Variants in FHIP2A observed in about 807,000 individuals in gnomAD.
FHIP2A encodes the protein family with sequence similarity 160 member B1.
In FHIP2A, 46 loss-of-function variants were observed where a neutral mutation model predicts 93.5. That is an observed-to-expected ratio of 0.49 (90% CI 0.39 to 0.63). FHIP2A has a LOEUF of 0.63. Among genes scored for constraint, FHIP2A ranks in the 20% least tolerant of loss-of-function variants. The pLI is 0.00. For missense variants in FHIP2A, 769 were observed against 909.7 expected (o/e 0.85, Z 1.99); for synonymous variants, 332 against 326.5 (o/e 1.02, Z -0.18).
At chr10:114,832,360 T>G (rs1047032868) in intron 2 of FHIP2A, among the ~76,000 whole-genome samples, 22 of 152,206 alleles carry the variant, frequency 1.4e-4, no homozygotes, top group Admixed American at 1.3e-4. Flanking sequence ...AGGGTTTTCC[T>G]TTTGGCTTCT....
At chr10:114,847,058 G>C (rs1054796876) in intron 11 of FHIP2A, 32 bp from the exon 12 acceptor site, 5 of 1,535,758 alleles carry the variant, frequency 3.3e-6, no homozygotes, top group African/African-American at 1.4e-5. Context: ...TAATAAAATA[G>C]TGCTTTTTAT....
intron 13 of FHIP2A, 94 bp downstream of exon 13, chr10:114,848,831 T>TG: frequency 1.3e-6 from 1 of 795,678 alleles, no homozygotes; most frequent in Non-Finnish European, 2.1e-6. Flanking sequence ...TCCAAGGAAA[T>TG]GACTTCATTC....
At chr10:114,849,283 A>AC (rs1240539863) in intron 13 of FHIP2A, among the ~76,000 whole-genome samples, 1 of 151,852 alleles carries the variant, frequency 6.6e-6, no homozygotes, top group Non-Finnish European at 1.5e-5. Context: ...ATTATATCTC[A>AC]CCCGGATCCA....
chr10:114,846,715 A>C lies in FHIP2A; in HGVS notation c.1555A>C (p.Ile519Leu). ...EDKDVVENGL[I>L]AGAVDLEEDP... ...TAAAGATGTGGTAGAAAATGGATTG[A>C]TAGCAGGAGCAGTGTAAGTTTCCAT... The change falls in exon 11 of 17, where the codon ATA becomes CTA. Residue 519 changes from isoleucine to leucine, a missense_variant. Coordinates refer to ENST00000369248, the MANE Select transcript of FHIP2A (RefSeq NM_020940.4). The C allele has an allele frequency of 6.2e-7, 1 of 1,600,520 alleles. No individual in the cohort carries two copies. The highest frequency in any genetic ancestry group is 8.5e-7 in the Non-Finnish European group (1 of 1,176,352).
intron 16 of FHIP2A, among the ~76,000 whole-genome samples, chr10:114,878,775 CAAAAAA>C (rs71007499): frequency 6.9e-5 from 7 of 101,166 alleles, no homozygotes; most frequent in Admixed American, 9.7e-5. Flanking sequence ...GACTTCGCCT[CAAAAAA>C]AAAAAAAAAA....
chr10:114,830,334 G>A (rs540382273), intron 1 of FHIP2A, among the ~76,000 whole-genome samples: 29 of 145,630 alleles, frequency 2.0e-4, no homozygotes, highest in African/African-American at 7.0e-4. Context: ...GTGCAGTGGC[G>A]CAATCTTGGC....
exon 17 of FHIP2A, chr10:114,899,668 T>G: frequency 1.7e-6 from 1 of 586,546 alleles, no homozygotes; most frequent in Non-Finnish European, 3.1e-6. Flanking sequence ...GAATCACCTA[T>G]CCCATGCCCA....
rs774713390 is a variant in FHIP2A at position 114,843,113 on chromosome 10, C to T, written c.703C>T (p.Leu235=). 6.2e-6 allele frequency: 10 copies of T among 1,613,946 alleles called. No homozygotes were observed. Among genetic ancestry groups the T allele is most frequent in the Non-Finnish European group, 8.5e-6 (10 of 1,179,982 alleles). The part of the protein sequence containing the change: ...EDEPPHQMDH[L]STSLDNLSVT... Reference sequence around the variant, plus strand: ...TGAGCCTCCTCATCAGATGGATCACCTGTCCACAAGCTTGGATAACCTCAG... The same window carrying T: ...TGAGCCTCCTCATCAGATGGATCACTTGTCCACAAGCTTGGATAACCTCAG... The change falls in exon 6 of 17, where the codon CTG becomes TTG. Residue 235 remains leucine (L), a synonymous_variant. Coordinates refer to ENST00000369248, the MANE Select transcript of FHIP2A (RefSeq NM_020940.4).
At chr10:114,878,477 G>A (rs1039971797) in intron 16 of FHIP2A, among the ~76,000 whole-genome samples, 3 of 152,172 alleles carry the variant, frequency 2.0e-5, no homozygotes, top group African/African-American at 7.2e-5. Flanking sequence ...GGATAGATAA[G>A]TCCAGAAAAG....
chr10:114,881,104 G>GAACTA (rs1392003366), intron 16 of FHIP2A, among the ~76,000 whole-genome samples: 4 of 152,326 alleles, frequency 2.6e-5, no homozygotes, highest in Non-Finnish European at 5.9e-5. Context: ...CACTGTGCCT[G>GAACTA]AACTAACGAG....
At chr10:114,840,305 G>A (rs972005895) in intron 5 of FHIP2A, among the ~76,000 whole-genome samples, 3 of 152,336 alleles carry the variant, frequency 2.0e-5, no homozygotes, top group Admixed American at 6.5e-5. Flanking sequence ...GTAAAAGTTT[G>A]TGGTGTGTTC....
downstream of FHIP2A, among the ~76,000 whole-genome samples, chr10:114,866,765 G>A (rs34171003): frequency 3.2e-4 from 48 of 152,284 alleles, no homozygotes; most frequent in South Asian, 6.2e-4. Context: ...CCAGGGAAAG[G>A]AAGTAAGATG....
intron 16 of FHIP2A, among the ~76,000 whole-genome samples, chr10:114,896,396 G>A (rs1202118756): frequency 6.6e-6 from 1 of 152,102 alleles, no homozygotes; most frequent in Non-Finnish European, 1.5e-5. Context: ...TTATTCCATG[G>A]CATCTTACAG....
intron 10 of FHIP2A, 25 bp from the exon 11 acceptor site, chr10:114,846,534 T>A (rs780301952): frequency 6.4e-7 from 1 of 1,557,258 alleles, no homozygotes; most frequent in African/African-American, 1.4e-5. Flanking sequence ...ATTTTTCAGT[T>A]AGCTTTTATC....
intron 16 of FHIP2A, among the ~76,000 whole-genome samples, chr10:114,895,213 A>G (rs2143016550): frequency 6.6e-6 from 1 of 152,322 alleles, no homozygotes; most frequent in African/African-American, 2.4e-5. Context: ...GTTTGACTTA[A>G]TGAGGTTCTT....
intron 16 of FHIP2A, among the ~76,000 whole-genome samples, chr10:114,889,330 C>T (rs778877612): frequency 2.0e-5 from 3 of 152,162 alleles, no homozygotes; most frequent in African/African-American, 4.8e-5. Flanking sequence ...TAGTAAAATA[C>T]GCCTGGGTTA....
intron 16 of FHIP2A, among the ~76,000 whole-genome samples, chr10:114,882,191 C>T (rs2083920462): frequency 6.6e-6 from 1 of 152,224 alleles, no homozygotes; most frequent in African/African-American, 2.4e-5. Context: ...TGCTCACCTC[C>T]AGAAGCTGGG....
intron 16 of FHIP2A, among the ~76,000 whole-genome samples, chr10:114,875,734 G>GAGAA (rs200179954): frequency 5.5e-4 from 81 of 146,904 alleles, no homozygotes; most frequent in East Asian, 1.2e-3. Context: ...AAGAAAGAGA[G>GAGAA]AGAAAGAAAG....
chr10:114,868,841 C>T (rs778072468), downstream of FHIP2A, among the ~76,000 whole-genome samples: 12 of 152,068 alleles, frequency 7.9e-5, no homozygotes, highest in Admixed American at 2.0e-4. Context: ...TAAAGTTGTC[C>T]GGGATGGTAT....
Sources: gnomAD v4.1 joint callset for allele counts (sites outside exome capture counted in the v4.1 genomes callset) on GRCh38, gnomAD v4.1.1 for gene constraint, MANE v1.5 for transcripts, NCBI Gene and HGNC (gene_info 2026-07-23, HGNC 2026-07-21) for gene names.